MKRN1: variants seen among roughly 807,000 people sequenced by gnomAD.
The protein encoded by MKRN1 is E3 ubiquitin-protein ligase makorin-1.
A neutral mutation model predicts 55.5 loss-of-function variants in MKRN1; 9 were observed. The ratio of observed to expected loss-of-function variants is 0.16; its 90% CI spans 0.10 to 0.28. The LOEUF (loss-of-function observed/expected upper bound fraction) is 0.28. Among genes scored for constraint, MKRN1 ranks in the 10% least tolerant of loss-of-function variants. MKRN1 has a pLI of 1.00. For missense variants in MKRN1, 488 were observed against 626.7 expected (o/e 0.78, Z 2.36); for synonymous variants, 253 against 235.9 (o/e 1.07, Z -0.66).
intron 4 of MKRN1, among the ~76,000 whole-genome samples, chr7:140,458,767 T>C (rs989597545): frequency 6.6e-6 from 1 of 152,196 alleles, no homozygotes; most frequent in Non-Finnish European, 1.5e-5. Context: ...GCGATCCTCT[T>C]GCCTCAGCCT....
At chr7:140,457,597 G>A (rs373884794) in intron 4 of MKRN1, among the ~76,000 whole-genome samples, 3 of 151,968 alleles carry the variant, frequency 2.0e-5, no homozygotes, top group East Asian at 3.9e-4. Context: ...AGGCGTGGTG[G>A]TGCATGCCTG....
At chr7:140,466,212 A>G (rs923068805) in intron 2 of MKRN1, among the ~76,000 whole-genome samples, 5 of 152,196 alleles carry the variant, frequency 3.3e-5, no homozygotes, top group Non-Finnish European at 7.3e-5. Flanking sequence ...ATAATCACCT[A>G]TATCAGCCTG....
At chr7:140,474,414 A>C (rs1795054581) in intron 1 of MKRN1, 1 of 369,996 alleles carries the variant, frequency 2.7e-6, no homozygotes, top group Admixed American at 2.9e-5. Flanking sequence ...GCTGAGGCAG[A>C]ATTGCTTGAA....
At chr7:140,472,346 C>G (rs4726816) in intron 1 of MKRN1, 1 of 252,802 alleles carries the variant, frequency 4.0e-6, no homozygotes. Context: ...GGCAGGAGAA[C>G]TGCTTACACG....
At position 140,456,858 on chromosome 7, in the gene MKRN1, A is replaced by G; in HGVS notation, c.780T>C (p.Ile260=). ...AQRSQHIKSC[I]EAHEKDMELS... is the part of the protein sequence containing the mutation. ...GCTCCATGTCCTTCTCATGGGCCTC[A>G]ATGCACGACTAGAGAAGGTGGAGAG... Residue 260 remains isoleucine, a synonymous_variant, in exon 5 of 8, where the codon ATT becomes ATC. Transcript: ENST00000255977. 1.2e-6 allele frequency: 2 copies of G among 1,613,746 alleles called. No homozygotes were observed. Among genetic ancestry groups the G allele is most frequent in the Non-Finnish European group, 1.7e-6 (2 of 1,179,802 alleles).
In MKRN1 at chr7:140,453,775, G is replaced by GA. The variant is rs1794395466; in HGVS notation, c.*741dup. ...AAGAATACTGCATCTATGCAGGGAT[G>GA]AGAAGCTTATCACACACCCACACAC... On this transcript the variant is annotated 3_prime_UTR_variant, in exon 8 of 8. Transcript: ENST00000255977. 2 of 153,708 alleles carry GA rather than the reference G, an allele frequency of 1.3e-5. No individual in the cohort carries two copies. The allele number at this position is 153,708 out of a possible 1,614,324, so 9.5% of individuals were successfully genotyped here.
chr7:140,476,152 A>T (rs1795110274), intron 1 of MKRN1, among the ~76,000 whole-genome samples: 1 of 152,208 alleles, frequency 6.6e-6, no homozygotes, highest in African/African-American at 2.4e-5. Context: ...GAGCACAAAC[A>T]CTAAAACACA....
chr7:140,455,412 G>C (rs142685493), intron 6 of MKRN1, 179 bp from the exon 7 acceptor site: 41 of 721,272 alleles, frequency 5.7e-5, no homozygotes, highest in African/African-American at 5.5e-4. Flanking sequence ...CTAGAAACCG[G>C]TAACTCTGTT....
intron 7 of MKRN1, 79 bp from the exon 8 acceptor site, chr7:140,454,808 C>G: frequency 2.1e-6 from 3 of 1,426,688 alleles, no homozygotes; most frequent in Non-Finnish European, 2.9e-6. Context: ...GCAAAACGTC[C>G]AGCACACCAG....
At chr7:140,478,098 A>G (rs1287331008) in intron 1 of MKRN1, 1 of 152,250 alleles carries the variant, frequency 6.6e-6, no homozygotes, top group African/African-American at 2.4e-5. Context: ...TTCACCCTTA[A>G]TACTACAAGT....
chr7:140,472,379 G>T (rs1288517862), intron 1 of MKRN1: 7 of 210,028 alleles, frequency 3.3e-5, no homozygotes, highest in South Asian at 2.2e-4. Flanking sequence ...GTTTCAATGA[G>T]CCGAGATCGC....
chr7:140,472,149 G>A, intron 1 of MKRN1, 138 bp from the exon 2 acceptor site: 1 of 1,199,648 alleles, frequency 8.3e-7, no homozygotes, highest in Non-Finnish European at 1.2e-6. Flanking sequence ...GCCAGGCATG[G>A]TGGCTCATGC....
intron 1 of MKRN1, among the ~76,000 whole-genome samples, chr7:140,474,105 CA>C: frequency 1.3e-5 from 2 of 150,114 alleles, no homozygotes; most frequent in African/African-American, 4.9e-5. Context: ...CTCACACCTA[CA>C]ATCCCAGCAC....
At chr7:140,456,362 A>C in intron 5 of MKRN1, 1 of 1,279,998 alleles carries the variant, frequency 7.8e-7, no homozygotes, top group Non-Finnish European at 9.9e-7. Context: ...GAGCTAGATC[A>C]GTTTGTTCAC....
At position 140,468,015 on chromosome 7, in the gene MKRN1, A is replaced by AAAT. The variant is rs1563093396; in HGVS notation, c.314+3867_314+3868insATT. 3.7e-3 allele frequency among the ~76,000 whole-genome samples: 558 copies of AAAT among 151,970 alleles called. 7 individuals are homozygous for AAAT. The highest frequency in any genetic ancestry group is 0.013 in the African/African-American group (535 of 41,380). ...GAAATTCTGTCTCAAAAAAAAAAAA[A>AAAT]AAAAAATGCAGAGGCTTAGCACAGA... On this transcript the variant is annotated intron_variant, in intron 2 of 7. Transcript: ENST00000255977.
intron 2 of MKRN1, among the ~76,000 whole-genome samples, chr7:140,463,733 A>C (rs1275739715): frequency 1.3e-5 from 2 of 152,030 alleles, no homozygotes; most frequent in East Asian, 2.0e-4. Flanking sequence ...AAAATACAAA[A>C]AATTAGCCGG....
intron 1 of MKRN1, chr7:140,473,209 C>CAA: frequency 2.6e-6 from 1 of 387,130 alleles, no homozygotes; most frequent in Non-Finnish European, 4.9e-6. Flanking sequence ...AATGATACCA[C>CAA]CAAAAAAAAA....
At chr7:140,472,244 G>T in intron 1 of MKRN1, 1 of 475,006 alleles carries the variant, frequency 2.1e-6, no homozygotes, top group Admixed American at 3.5e-5. Context: ...AGACCAGCCT[G>T]GGCAACATGG....
chr7:140,469,283 A>G (rs1794854325), intron 2 of MKRN1, among the ~76,000 whole-genome samples: 1 of 151,552 alleles, frequency 6.6e-6, no homozygotes, highest in Non-Finnish European at 1.5e-5. Context: ...CTGAGATCCC[A>G]CCACCGCACT....
Sources: allele counts gnomAD v4.1 joint callset (sites outside exome capture counted in the v4.1 genomes callset), GRCh38; gene constraint gnomAD v4.1.1; transcripts MANE v1.5; gene names NCBI Gene and HGNC (gene_info 2026-07-23, HGNC 2026-07-21).